The following CCDC7 variants were observed in gnomAD, a reference collection of about 807,000 sequenced individuals.
The protein encoded by CCDC7 is coiled-coil domain containing 7.
A neutral mutation model predicts 196.9 loss-of-function variants in CCDC7; 183 were observed. That is an observed-to-expected ratio of 0.93 (90% CI 0.82 to 1.05). The LOEUF is 1.05. CCDC7 is among the 50% of genes least tolerant of loss of function. The pLI is 0.00. For synonymous variants in CCDC7, 525 were observed against 484.6 expected (o/e 1.08, Z -1.10); for missense variants, 1,540 against 1,482.2 (o/e 1.04, Z -0.64).
chr10:32,638,883 TATTA>T (rs1286546674), intron 20 of CCDC7, among the ~76,000 whole-genome samples: 11 of 152,218 alleles, frequency 7.2e-5, no homozygotes, highest in Admixed American at 5.9e-4. Flanking sequence ...GTTGGTAAGC[TATTA>T]ATTATTGCCT....
intron 20 of CCDC7, among the ~76,000 whole-genome samples, chr10:32,637,444 A>G (rs1256758288): frequency 1.3e-5 from 2 of 152,232 alleles, no homozygotes; most frequent in Admixed American, 6.5e-5. Context: ...AGCTTTCTCC[A>G]TATGGCTAGC....
At position 32,793,265 on chromosome 10, in the gene CCDC7, T is replaced by A. The variant is rs747948723; in HGVS notation, c.3014-11750T>A. 1.2e-4 allele frequency among the ~76,000 whole-genome samples: 18 copies of A among 152,162 alleles called. 1 individual carries two copies. Among genetic ancestry groups the A allele is most frequent in the Non-Finnish European group, 2.4e-4 (16 of 68,036 alleles). ...TCAAGGCTGAACAACTAAAAGGTTATTCCCTTCAAGAATAAAATTTTGAGC... is the reference window on the plus strand; with the variant it reads ...TCAAGGCTGAACAACTAAAAGGTTAATCCCTTCAAGAATAAAATTTTGAGC... On this transcript the variant is annotated intron_variant, in intron 29 of 41. Coordinates refer to ENST00000639629, the Ensembl canonical transcript of CCDC7.
chr10:32,828,485 GGAAGAAGAAGAA>G (rs68150303), intron 32 of CCDC7, among the ~76,000 whole-genome samples: 1,576 of 49,374 alleles, frequency 0.032, 40 homozygotes, highest in East Asian at 0.076. Flanking sequence ...AAGAGGAAGA[GGAAGAAGAAGAA>G]GAAGAAGAAG....
chr10:32,860,031 GA>G (rs1006635985), intron 41 of CCDC7, among the ~76,000 whole-genome samples: 45 of 152,160 alleles, frequency 3.0e-4, no homozygotes, highest in African/African-American at 1.1e-3. Flanking sequence ...CCAAACAATA[GA>G]AAAAGAGAGA....
chr10:32,832,689 C>T (rs553036294), intron 32 of CCDC7, among the ~76,000 whole-genome samples: 29 of 152,026 alleles, frequency 1.9e-4, no homozygotes, highest in African/African-American at 7.0e-4. Flanking sequence ...AAGAAAGTTC[C>T]TCAGGCTGAA....
At chr10:32,495,565 G>A (rs1190760026) in intron 9 of CCDC7, among the ~76,000 whole-genome samples, 1 of 152,158 alleles carries the variant, frequency 6.6e-6, no homozygotes, top group African/African-American at 2.4e-5. Context: ...GTTAATTTTT[G>A]TATAAGGTGT....
intron 12 of CCDC7, 81 bp from the exon 14 acceptor site, chr10:32,544,166 T>C: frequency 8.1e-7 from 1 of 1,228,806 alleles, no homozygotes; most frequent in East Asian, 2.5e-5. Context: ...TTAAAATCGT[T>C]TAAAAAGTCC....
chr10:32,610,953 G>T (rs957488499), intron 18 of CCDC7, among the ~76,000 whole-genome samples: 10 of 152,142 alleles, frequency 6.6e-5, no homozygotes, highest in Non-Finnish European at 1.3e-4. Flanking sequence ...TGGGATTGCT[G>T]GGTCAAATGG....
chr10:32,587,987 A>C (rs555676019), intron 18 of CCDC7, among the ~76,000 whole-genome samples: 1 of 152,338 alleles, frequency 6.6e-6, no homozygotes, highest in East Asian at 1.9e-4. Flanking sequence ...GCCTTGCCAC[A>C]TGAATAAATT....
At chr10:32,704,266 G>A (rs959629030) in intron 24 of CCDC7, among the ~76,000 whole-genome samples, 8 of 152,230 alleles carry the variant, frequency 5.3e-5, no homozygotes, top group Admixed American at 1.3e-4. Context: ...GAGTTTGCCG[G>A]AGGTCCACTC....
intron 21 of CCDC7, among the ~76,000 whole-genome samples, chr10:32,672,206 G>T (rs1438910299): frequency 6.6e-6 from 1 of 152,184 alleles, no homozygotes; most frequent in African/African-American, 2.4e-5. Context: ...GAATCAAGGT[G>T]CAGATTCCTG....
Position 32,848,508 on chromosome 10 carries a change from A to C in CCDC7, c.3773-88A>C. On this transcript the variant is annotated intron_variant, in intron 38 of 41. Transcript: ENST00000639629. The stretch of plus-strand genomic sequence containing the variant: ...ATGTGGGAAGAAAAATTACCAAGGC[A>C]GAAATAAAGACAAATACGTGGAGAT... 6 of 987,744 alleles carry C rather than the reference A, an allele frequency of 6.1e-6. No individual in the cohort carries two copies. In the South Asian group the frequency reaches 1.1e-4, roughly 18 times the overall value. The allele number at this position is 987,744 out of a possible 1,614,324, so 61.2% of individuals were successfully genotyped here.
chr10:32,451,382 T>G (rs1292386284), upstream of CCDC7, among the ~76,000 whole-genome samples: 1 of 152,216 alleles, frequency 6.6e-6, no homozygotes. Context: ...CTTATTGATA[T>G]AAATTAGATA....
chr10:32,852,047 G>T, intron 40 of CCDC7, 115 bp downstream of exon 41: 1 of 1,092,600 alleles, frequency 9.2e-7, no homozygotes, highest in Non-Finnish European at 1.3e-6. Context: ...AAATATAAAT[G>T]AAAGTAAATT....
chr10:32,757,291 G>A (rs2076625250), intron 28 of CCDC7, among the ~76,000 whole-genome samples: 1 of 152,174 alleles, frequency 6.6e-6, no homozygotes, highest in Admixed American at 6.5e-5. Flanking sequence ...GAAATCAACA[G>A]AATACACATT....
chr10:32,866,122 A>C (rs191976642), intron 41 of CCDC7, among the ~76,000 whole-genome samples: 20 of 151,982 alleles, frequency 1.3e-4, no homozygotes, highest in African/African-American at 4.8e-4. Context: ...TAAAAAGAGA[A>C]TTATTCAATG....
At chr10:32,803,799 AT>A (rs909283830) in intron 29 of CCDC7, among the ~76,000 whole-genome samples, 22 of 152,006 alleles carry the variant, frequency 1.4e-4, no homozygotes, top group Non-Finnish European at 2.5e-4. Context: ...TGTTTTGTAT[AT>A]TTTTTATGTT....
chr10:32,801,381 A>G (rs879329172), intron 29 of CCDC7, among the ~76,000 whole-genome samples: 2 of 152,192 alleles, frequency 1.3e-5, no homozygotes, highest in Non-Finnish European at 2.9e-5. Flanking sequence ...TATTTCAGCT[A>G]ACAAAGCCAA....
intron 28 of CCDC7, among the ~76,000 whole-genome samples, chr10:32,771,469 T>A (rs987234377): frequency 6.6e-6 from 1 of 152,238 alleles, no homozygotes; most frequent in African/African-American, 2.4e-5. Flanking sequence ...CCCTTCTGGC[T>A]AATATGGTTT....
Sources: allele counts gnomAD v4.1 joint callset (sites outside exome capture counted in the v4.1 genomes callset), GRCh38; gene constraint gnomAD v4.1.1; transcripts MANE v1.5; gene names NCBI Gene and HGNC (gene_info 2026-07-23, HGNC 2026-07-21).